The following HMBOX1 variants were observed in gnomAD, a reference collection of about 807,000 sequenced individuals.
HMBOX1 encodes the protein homeobox containing 1, also known as homeobox-containing protein 1.
In HMBOX1, 14 loss-of-function variants were observed where a neutral mutation model predicts 54.5. That is an observed-to-expected ratio of 0.26 (90% confidence interval 0.17 to 0.40). HMBOX1 has a LOEUF of 0.40. Among genes scored for constraint, HMBOX1 ranks in the 10% least tolerant of loss-of-function variants. HMBOX1 has a pLI of 1.00. For missense variants in HMBOX1, 332 were observed against 514.4 expected (o/e 0.65, Z 3.43); for synonymous variants, 160 against 181.0 (o/e 0.88, Z 0.93).
intron 6 of HMBOX1, among the ~76,000 whole-genome samples, chr8:29,044,873 T>G: frequency 6.6e-6 from 1 of 152,222 alleles, no homozygotes; most frequent in Non-Finnish European, 1.5e-5. Context: ...GCCATTCTAC[T>G]GATGGATACT....
At chr8:28,977,572 A>T (rs919212162) in intron 3 of HMBOX1, among the ~76,000 whole-genome samples, 169 of 152,118 alleles carry the variant, frequency 1.1e-3, no homozygotes, top group Non-Finnish European at 2.0e-3. Flanking sequence ...GTTTGACTTT[A>T]AAATATATTT....
chr8:29,010,243 T>C, intron 5 of HMBOX1: 6 of 584,092 alleles, frequency 1.0e-5, no homozygotes, highest in East Asian at 1.4e-4. Flanking sequence ...AGACACCTGT[T>C]TACTCTTTCT....
intron 4 of HMBOX1, among the ~76,000 whole-genome samples, chr8:29,001,051 T>C (rs1832556763): frequency 6.6e-6 from 1 of 152,192 alleles, no homozygotes; most frequent in African/African-American, 2.4e-5. Context: ...AGGTTTTTAC[T>C]TCACTATTCT....
chr8:28,917,712 G>T (rs954581371), intron 1 of HMBOX1, among the ~76,000 whole-genome samples: 2 of 151,984 alleles, frequency 1.3e-5, no homozygotes, highest in South Asian at 2.1e-4. Context: ...GTTTAAGGAG[G>T]TTCTATTTCT....
intron 1 of HMBOX1, among the ~76,000 whole-genome samples, chr8:28,911,635 C>T (rs927769313): frequency 2.0e-5 from 3 of 152,274 alleles, no homozygotes; most frequent in South Asian, 4.2e-4. Flanking sequence ...GGATTATAGG[C>T]GTGAGCCACC....
chr8:28,985,544 T>C (rs1202112225), intron 4 of HMBOX1, among the ~76,000 whole-genome samples: 1 of 152,214 alleles, frequency 6.6e-6, no homozygotes, highest in Non-Finnish European at 1.5e-5. Context: ...GATGTGCATC[T>C]TACCTGTACC....
At chr8:28,975,728 T>C (rs1226849943) in intron 3 of HMBOX1, among the ~76,000 whole-genome samples, 1 of 151,912 alleles carries the variant, frequency 6.6e-6, no homozygotes, top group Non-Finnish European at 1.5e-5. Context: ...ATTTGAGGCA[T>C]AGAAATCTTG....
At chr8:28,981,810 A>G (rs1829380209) in intron 4 of HMBOX1, among the ~76,000 whole-genome samples, 1 of 152,236 alleles carries the variant, frequency 6.6e-6, no homozygotes, top group Middle Eastern at 3.2e-3. Context: ...TGGGTTAAAC[A>G]TGATACATTA....
intron 6 of HMBOX1, among the ~76,000 whole-genome samples, chr8:29,045,106 G>C (rs1805382435): frequency 6.6e-6 from 1 of 152,132 alleles, no homozygotes; most frequent in African/African-American, 2.4e-5. Context: ...ATTTAAATTA[G>C]TTAAAATTAA....
chr8:28,968,223 T>A (rs1472435320), intron 2 of HMBOX1, among the ~76,000 whole-genome samples: 4 of 152,198 alleles, frequency 2.6e-5, no homozygotes, highest in Admixed American at 2.0e-4. Context: ...GTTAAGTCAA[T>A]AAAAATTCTA....
chr8:28,937,363 G>A (rs546125765), intron 1 of HMBOX1, among the ~76,000 whole-genome samples: 1 of 152,278 alleles, frequency 6.6e-6, no homozygotes, highest in East Asian at 1.9e-4. Context: ...TCTCATAAGA[G>A]TACTTGCTAT....
Position 29,051,196 on chromosome 8 carries a change from T to C in HMBOX1, c.*41T>C. The C allele has an allele frequency of 6.2e-7, 1 of 1,604,486 alleles. No homozygotes were observed. Among genetic ancestry groups the C allele is most frequent in the Non-Finnish European group, 8.5e-7 (1 of 1,174,964 alleles). On this transcript the variant is annotated 3_prime_UTR_variant, in exon 10 of 10. Transcript: ENST00000287701. ...ATGACAAGTTAACTTAGTTTAGACG[T>C]AGCACCTTAGCAGACTTTCCTCGGT...
chr8:28,923,809 G>A (rs1027090691), intron 1 of HMBOX1, among the ~76,000 whole-genome samples: 13 of 152,012 alleles, frequency 8.6e-5, no homozygotes, highest in Non-Finnish European at 1.3e-4. Context: ...TTTAGCCATC[G>A]TAGTGTGAAG....
intron 1 of HMBOX1, among the ~76,000 whole-genome samples, chr8:28,916,935 TG>T (rs1470975579): frequency 2.0e-5 from 3 of 151,952 alleles, no homozygotes; most frequent in African/African-American, 7.3e-5. Flanking sequence ...AACTTAGTGA[TG>T]CATGCCTGTA....
At chr8:28,914,102 A>T (rs2131700380) in intron 1 of HMBOX1, among the ~76,000 whole-genome samples, 1 of 152,010 alleles carries the variant, frequency 6.6e-6, no homozygotes, top group East Asian at 2.0e-4. Context: ...TCCTGACCTC[A>T]AGTGATCTGC....
At chr8:29,029,259 T>C (rs906998595) in intron 6 of HMBOX1, among the ~76,000 whole-genome samples, 1 of 152,256 alleles carries the variant, frequency 6.6e-6, no homozygotes, top group South Asian at 2.1e-4. Flanking sequence ...AATATTTATA[T>C]CACTTATGCA....
At chr8:28,928,196 G>GTTA (rs925692734) in intron 1 of HMBOX1, among the ~76,000 whole-genome samples, 3 of 152,032 alleles carry the variant, frequency 2.0e-5, no homozygotes, top group Non-Finnish European at 4.4e-5. Flanking sequence ...GATGCAGGGT[G>GTTA]TTATGCATAC....
chr8:29,012,067 G>A (rs942999224), intron 5 of HMBOX1, among the ~76,000 whole-genome samples: 1 of 152,210 alleles, frequency 6.6e-6, no homozygotes, highest in Admixed American at 6.5e-5. Context: ...GGGTAAGTTC[G>A]TAATTGCCAT....
rs189794997 is a variant in HMBOX1 at position 28,932,810 on chromosome 8, C to G, written c.-57-31001C>G. Among the ~76,000 whole-genome samples the G allele has an allele frequency of 1.8e-4, 27 of 152,282 alleles. No homozygotes were observed. In the East Asian group the frequency reaches 5.0e-3, roughly 28 times the overall value. ...AGAGGTGTGGCTAGGCTAGAAGGTG[C>G]AAAATGGCCTTAACTACATGTCTAA... On this transcript the variant is annotated intron_variant, in intron 1 of 9. Coordinates refer to ENST00000287701, the MANE Select transcript of HMBOX1 (RefSeq NM_001135726.3).
Sources: allele counts gnomAD v4.1 joint callset (sites outside exome capture counted in the v4.1 genomes callset), GRCh38; gene constraint gnomAD v4.1.1; transcripts MANE v1.5; gene names NCBI Gene and HGNC (gene_info 2026-07-23, HGNC 2026-07-21).